NEDD4L: variants seen among roughly 807,000 people sequenced by gnomAD.
The protein encoded by NEDD4L is E3 ubiquitin-protein ligase NEDD4-like.
Under a neutral mutation model 148.9 loss-of-function variants are expected in NEDD4L, and 54 were observed. The ratio of observed to expected loss-of-function variants is 0.36; its 90% CI spans 0.29 to 0.45. The LOEUF (loss-of-function observed/expected upper bound fraction) is 0.45. Among genes scored for constraint, NEDD4L ranks in the 20% least tolerant of loss-of-function variants. The pLI is 1.00. For missense variants in NEDD4L, 856 were observed against 1,233.8 expected (o/e 0.69, Z 4.59); for synonymous variants, 433 against 440.7 (o/e 0.98, Z 0.22).
intron 1 of NEDD4L, among the ~76,000 whole-genome samples, chr18:58,092,184 G>C (rs1001138586): frequency 2.0e-5 from 3 of 152,232 alleles, no homozygotes; most frequent in South Asian, 4.1e-4. Context: ...TCCTCCCTTC[G>C]GGGGAGGTCC....
rs960865168 is a variant in NEDD4L at position 58,194,328 on chromosome 18, C to G, written c.122+28467C>G. Among the ~76,000 whole-genome samples the G allele has an allele frequency of 2.6e-5, 4 of 152,238 alleles. 1 individual carries two copies. Among genetic ancestry groups the G allele is most frequent in the Admixed American group, 2.0e-4 (3 of 15,292 alleles). On this transcript the variant is annotated intron_variant, in intron 2 of 30. Coordinates refer to ENST00000400345, the MANE Select transcript of NEDD4L (RefSeq NM_001144967.3). ...TGCATCTCCCCCTCCCATGGACATT[C>G]ACTTGATAAGTGTTGGGCCGGTCAC...
chr18:58,158,371 C>T (rs1008237994), intron 1 of NEDD4L, among the ~76,000 whole-genome samples: 2 of 152,198 alleles, frequency 1.3e-5, no homozygotes, highest in African/African-American at 2.4e-5. Context: ...AAATCAGATA[C>T]CCATGGGAAA....
intron 2 of NEDD4L, among the ~76,000 whole-genome samples, chr18:58,201,263 G>A (rs1453683879): frequency 6.6e-6 from 1 of 152,050 alleles, no homozygotes; most frequent in African/African-American, 2.4e-5. Flanking sequence ...AACCCAGGAA[G>A]CAGAGGTTGC....
At position 58,328,211 on chromosome 18, in the gene NEDD4L, C is replaced by G. The variant is rs542943833; in HGVS notation, c.681-784C>G. On this transcript the variant is annotated intron_variant, in intron 9 of 30. Transcript: ENST00000400345. ...AGCTCCTGACCTCAAGTGATCCGCCCGCCTTGGCCTCCCAAAGTGCTGGGA... is the reference window on the plus strand; with the variant it reads ...AGCTCCTGACCTCAAGTGATCCGCCGGCCTTGGCCTCCCAAAGTGCTGGGA... Among the ~76,000 whole-genome samples the G allele has an allele frequency of 2.0e-5, 3 of 152,172 alleles. No homozygotes were observed. In the South Asian group the frequency reaches 6.2e-4, roughly 32 times the overall value.
chr18:58,155,001 A>C (rs2035289756), intron 1 of NEDD4L, among the ~76,000 whole-genome samples: 1 of 152,248 alleles, frequency 6.6e-6, no homozygotes, highest in Admixed American at 6.5e-5. Flanking sequence ...AAAATAATCA[A>C]ACTTCGTAAG....
Position 58,044,441 on chromosome 18 carries a change from CCGCT to C in NEDD4L, c.-219_-216del. The C allele has an allele frequency of 2.3e-6, 1 of 433,686 alleles. No individual in the cohort carries two copies. Among genetic ancestry groups the C allele is most frequent in the Non-Finnish European group, 3.6e-6 (1 of 279,040 alleles). The allele number at this position is 433,686 out of a possible 1,614,324, so 26.9% of individuals were successfully genotyped here. On this transcript the variant is annotated 5_prime_UTR_variant, in exon 1 of 31. Coordinates refer to ENST00000400345, the MANE Select transcript of NEDD4L (RefSeq NM_001144967.3). ...CGGCGCGCTCTCGGGAGCCGCCCGC[CCGCT>C]GGTCCCGCAGCCTTCCGGGAGGAAG...
chr18:58,053,044 AG>A (rs1333128864), intron 1 of NEDD4L, among the ~76,000 whole-genome samples: 2 of 152,220 alleles, frequency 1.3e-5, no homozygotes, highest in Non-Finnish European at 2.9e-5. Flanking sequence ...TCCCATGAAG[AG>A]GATGAACAAA....
intron 17 of NEDD4L, among the ~76,000 whole-genome samples, chr18:58,350,721 G>A (rs2288773): frequency 2.6e-5 from 4 of 152,136 alleles, no homozygotes; most frequent in Non-Finnish European, 4.4e-5. Flanking sequence ...GGAATGCTGC[G>A]GTTTCCCTTT....
intron 5 of NEDD4L, chr18:58,255,934 G>A: frequency 8.1e-7 from 1 of 1,230,942 alleles, no homozygotes; most frequent in Non-Finnish European, 1.0e-6. Context: ...TGCAGCGCAA[G>A]GCCACGGACG....
rs913636141 is a variant in NEDD4L at position 58,256,457 on chromosome 18, G to A, written c.297+4403G>A. On this transcript the variant is annotated intron_variant, in intron 5 of 30. Coordinates refer to ENST00000400345, the MANE Select transcript of NEDD4L (RefSeq NM_001144967.3). This position sits in a 1 kb window ranked among gnomAD's most constrained non-coding sequence, Gnocchi z 5.2. ...CACGGGCACAAAGGGGGACAGGTTG[G>A]TGAGGTATCCTCGCATTCGGCTGGA... The A allele has an allele frequency of 1.1e-5, 13 of 1,232,344 alleles. No individual in the cohort carries two copies. In the African/African-American group the frequency reaches 1.7e-4, roughly 16 times the overall value. 76.3% of individuals were successfully genotyped at this position (1,232,344 alleles called of 1,614,324 possible).
intron 1 of NEDD4L, among the ~76,000 whole-genome samples, chr18:58,125,033 G>C (rs529919915): frequency 6.6e-6 from 1 of 152,150 alleles, no homozygotes; most frequent in Non-Finnish European, 1.5e-5. Flanking sequence ...CTTTTGAGTA[G>C]CTGGGACTAC....
intron 5 of NEDD4L, among the ~76,000 whole-genome samples, chr18:58,297,974 A>G (rs1448047054): frequency 6.6e-6 from 1 of 151,884 alleles, no homozygotes; most frequent in African/African-American, 2.4e-5. Context: ...CCTTTTTTCT[A>G]TTCTTCAGTG....
At chr18:58,120,843 A>G (rs1351122701) in intron 1 of NEDD4L, among the ~76,000 whole-genome samples, 2 of 151,974 alleles carry the variant, frequency 1.3e-5, no homozygotes, top group African/African-American at 4.8e-5. Context: ...AGTCCAACAG[A>G]TGTAATCCCC....
At chr18:58,175,326 T>G (rs2038000370) in intron 2 of NEDD4L, among the ~76,000 whole-genome samples, 1 of 139,882 alleles carries the variant, frequency 7.1e-6, no homozygotes, top group African/African-American at 2.9e-5. Context: ...TCCTGTTGTT[T>G]TCATGGGGGC....
Position 58,370,468 on chromosome 18 carries a change from G to A in NEDD4L, c.2256+1G>A. Reference sequence around the variant, plus strand: ...AACCCTGAATGACATGGAATCTGTGGTAAGTAAATGCACGTCACACACTGG... The same window carrying A: ...AACCCTGAATGACATGGAATCTGTGATAAGTAAATGCACGTCACACACTGG... On this transcript the variant is annotated splice_donor_variant, in intron 23 of 30. Transcript: ENST00000400345. LOFTEE classifies it high-confidence loss of function. 6.3e-7 allele frequency: 1 copy of A among 1,591,130 alleles called. No individual in the cohort carries two copies. The highest frequency in any genetic ancestry group is 8.6e-7 in the Non-Finnish European group (1 of 1,158,998).
At chr18:58,073,175 T>C (rs537488907) in intron 1 of NEDD4L, among the ~76,000 whole-genome samples, 32 of 151,640 alleles carry the variant, frequency 2.1e-4, no homozygotes, top group Non-Finnish European at 3.7e-4. Flanking sequence ...CTCCCCAGAT[T>C]GAGCTGCAGA....
At chr18:58,122,797 A>G (rs1306724032) in intron 1 of NEDD4L, among the ~76,000 whole-genome samples, 1 of 151,502 alleles carries the variant, frequency 6.6e-6, no homozygotes, top group Non-Finnish European at 1.5e-5. Context: ...GTGCAATGGC[A>G]TGATCTCGGC....
chr18:58,099,146 G>A (rs552009114), intron 1 of NEDD4L, among the ~76,000 whole-genome samples: 1 of 152,122 alleles, frequency 6.6e-6, no homozygotes, highest in East Asian at 1.9e-4. Flanking sequence ...TTTGTGTCCA[G>A]ATTCTTCTGG....
chr18:58,287,002 C>G (rs1241261769), intron 5 of NEDD4L, among the ~76,000 whole-genome samples: 1 of 152,010 alleles, frequency 6.6e-6, no homozygotes, highest in Non-Finnish European at 1.5e-5. Flanking sequence ...TGAACAACTG[C>G]AGGGTAACAT....
Sources: gnomAD v4.1 joint callset for allele counts (sites outside exome capture counted in the v4.1 genomes callset) on GRCh38, gnomAD v4.1.1 for gene constraint, Gnocchi (gnomAD v3.1) non-coding constraint, MANE v1.5 for transcripts, NCBI Gene and HGNC (gene_info 2026-07-23, HGNC 2026-07-21) for gene names.